The following ZNF423 variants were observed in gnomAD, a reference collection of about 807,000 sequenced individuals.
ZNF423 encodes the protein zinc finger protein 423, also known as Ebf-associated zinc finger protein.
Under a neutral mutation model 95.8 loss-of-function variants are expected in ZNF423, and 12 were observed. The observed-to-expected ratio is 0.13, with a 90% CI of 0.08 to 0.20. ZNF423 has a LOEUF of 0.20. Ranked by LOEUF, ZNF423 falls within the 10% of genes least tolerant of loss-of-function variation. ZNF423 has a pLI of 1.00. For missense variants in ZNF423, 1,316 were observed against 1,737.1 expected (o/e 0.76, Z 4.31); for synonymous variants, 749 against 711.9 (o/e 1.05, Z -0.83).
At chr16:49,823,745 A>C (rs2034973932) in intron 1 of ZNF423, among the ~76,000 whole-genome samples, 2 of 152,170 alleles carry the variant, frequency 1.3e-5, no homozygotes, top group South Asian at 4.1e-4. Context: ...ATACACACAC[A>C]CACATACACA....
chr16:49,557,191 C>A (rs1308449656), intron 5 of ZNF423, among the ~76,000 whole-genome samples: 1 of 152,220 alleles, frequency 6.6e-6, no homozygotes, highest in Non-Finnish European at 1.5e-5. Context: ...TCTAATCTTA[C>A]CAACTGCACG....
At chr16:49,854,507 A>T (rs1419079167) in intron 1 of ZNF423, 2 of 985,344 alleles carry the variant, frequency 2.0e-6, no homozygotes, top group Non-Finnish European at 2.4e-6. Context: ...AACTGGGCTC[A>T]GGCCAGAGGT....
rs201499268 is a variant in ZNF423, at chr16:49,638,357, G to A, written c.819C>T (p.Cys273=). ...GGCTGAAGGTGTCCTCGCAGTAGTC[G>A]CACATGAAGTCGTCCTTCTTGGCTT... is the stretch of plus-strand genomic sequence containing the variant. ...EKEAKKDDFM[C]DYCEDTFSQT... The change falls in exon 4 of 8, where the codon TGC becomes TGT. Residue 273 remains cysteine (C), a synonymous_variant. Coordinates refer to ENST00000563137, the MANE Select transcript of ZNF423 (RefSeq NM_001379286.1). This position sits in a 1 kb window ranked among gnomAD's most constrained non-coding sequence, Gnocchi z 5.6. 6.6e-4 allele frequency: 1,065 copies of A among 1,614,054 alleles called. 1 individual carries two copies. The highest frequency in any genetic ancestry group is 6.4e-4 in the Non-Finnish European group (751 of 1,180,048).
intron 5 of ZNF423, among the ~76,000 whole-genome samples, chr16:49,625,021 G>A (rs189840228): frequency 9.1e-4 from 139 of 152,336 alleles, no homozygotes; most frequent in African/African-American, 3.0e-3. Flanking sequence ...CCAGTACTCC[G>A]ATGGCATAGC....
At chr16:49,616,557 T>C (rs1971882034) in intron 5 of ZNF423, among the ~76,000 whole-genome samples, 2 of 152,170 alleles carry the variant, frequency 1.3e-5, no homozygotes, top group Admixed American at 1.3e-4. Flanking sequence ...GATTATTATA[T>C]ATTGCATGCC....
chr16:49,687,555 A>G (rs1334126097), intron 3 of ZNF423, among the ~76,000 whole-genome samples: 1 of 152,234 alleles, frequency 6.6e-6, no homozygotes, highest in African/African-American at 2.4e-5. Flanking sequence ...AAAGATCTTC[A>G]TTTCTGCCAT....
At chr16:49,600,693 G>A (rs1009267989) in intron 5 of ZNF423, among the ~76,000 whole-genome samples, 17 of 152,174 alleles carry the variant, frequency 1.1e-4, no homozygotes, top group Admixed American at 9.2e-4. Flanking sequence ...ACCCGCCAGC[G>A]GCAAGATTGA....
chr16:49,677,310 A>AGGG (rs1567284136), intron 3 of ZNF423, among the ~76,000 whole-genome samples: 7 of 75,512 alleles, frequency 9.3e-5, no homozygotes, highest in East Asian at 5.4e-4. Context: ...AGAGAAGAGA[A>AGGG]AGGAGGGGAA....
At chr16:49,614,733 G>A (rs1971821960) in intron 5 of ZNF423, among the ~76,000 whole-genome samples, 5 of 152,226 alleles carry the variant, frequency 3.3e-5, no homozygotes, top group Non-Finnish European at 7.3e-5. Flanking sequence ...GGACCTCTAT[G>A]TGAATCTGCA....
At chr16:49,844,088 T>A (rs2035218826) in intron 1 of ZNF423, among the ~76,000 whole-genome samples, 1 of 144,962 alleles carries the variant, frequency 6.9e-6, no homozygotes. Flanking sequence ...GAGACCAGGC[T>A]AAACAACACA....
At chr16:49,726,360 T>C (rs2033013929) in intron 3 of ZNF423, among the ~76,000 whole-genome samples, 1 of 152,000 alleles carries the variant, frequency 6.6e-6, no homozygotes, top group African/African-American at 2.4e-5. Flanking sequence ...AGTGAGCACA[T>C]AAAAAACCAC....
intron 1 of ZNF423, among the ~76,000 whole-genome samples, chr16:49,826,358 C>T (rs1398300824): frequency 6.6e-6 from 1 of 152,204 alleles, no homozygotes; most frequent in African/African-American, 2.4e-5. Context: ...AGGCAAAGCT[C>T]TCAACATGGC....
intron 2 of ZNF423, among the ~76,000 whole-genome samples, chr16:49,748,386 C>T (rs2033566183): frequency 6.6e-6 from 1 of 152,200 alleles, no homozygotes; most frequent in Non-Finnish European, 1.5e-5. Context: ...TCTGACCCTC[C>T]TGTGGGTATG....
intron 3 of ZNF423, among the ~76,000 whole-genome samples, chr16:49,676,984 G>T (rs1214963713): frequency 6.6e-6 from 1 of 151,848 alleles, no homozygotes; most frequent in Non-Finnish European, 1.5e-5. Flanking sequence ...TTGGGAGGCC[G>T]AGGTGGGCGG....
rs771821915 is a variant in ZNF423 at position 49,636,344 on chromosome 16, T to A, written c.2832A>T (p.Ser944=). The A allele has an allele frequency of 1.9e-6, 3 of 1,612,748 alleles. No homozygotes were observed. The highest frequency in any genetic ancestry group is 2.2e-5 in the South Asian group (2 of 91,062). The change falls in exon 4 of 8, where the codon TCA becomes TCT. Residue 944 remains serine (S), a synonymous_variant. Transcript: ENST00000563137. The surrounding 1 kb of genome is among the most constrained non-coding windows in gnomAD (Gnocchi z 8.6). ...GCCCGTTCTCCGAGAAGAAAGTCCG[T>A]GAACAAACGTTGCACTTGTGACTGC... ...IKGSHKCNVC[S]RTFFSENGLR...
chr16:49,743,455 C>T (rs1004797593), intron 2 of ZNF423, among the ~76,000 whole-genome samples: 7 of 152,294 alleles, frequency 4.6e-5, no homozygotes, highest in Non-Finnish European at 1.0e-4. Context: ...CCTTCTCCAC[C>T]TCTCAGCACC....
intron 1 of ZNF423, among the ~76,000 whole-genome samples, chr16:49,850,671 T>C (rs949250020): frequency 1.3e-5 from 2 of 152,194 alleles, no homozygotes; most frequent in African/African-American, 4.8e-5. Flanking sequence ...CCCACCACCT[T>C]GGCAAAAACG....
At chr16:49,772,739 GTCAAAT>G (rs1444052477) in intron 2 of ZNF423, among the ~76,000 whole-genome samples, 1 of 152,172 alleles carries the variant, frequency 6.6e-6, no homozygotes, top group African/African-American at 2.4e-5. Context: ...AAACCCCAGA[GTCAAAT>G]TTACCTGCCC....
intron 3 of ZNF423, among the ~76,000 whole-genome samples, chr16:49,655,262 C>T (rs986144707): frequency 2.8e-4 from 42 of 152,186 alleles, no homozygotes; most frequent in Non-Finnish European, 8.8e-5. Flanking sequence ...GCCAAGAACT[C>T]CATTCCACAG....
Sources: gnomAD v4.1 joint callset for allele counts (sites outside exome capture counted in the v4.1 genomes callset) on GRCh38, gnomAD v4.1.1 for gene constraint, Gnocchi (gnomAD v3.1) non-coding constraint, MANE v1.5 for transcripts, NCBI Gene and HGNC (gene_info 2026-07-23, HGNC 2026-07-21) for gene names.